Variants in TMPRSS15 observed in about 807,000 individuals in gnomAD.
TMPRSS15 encodes the protein transmembrane serine protease 15, also known as enteropeptidase.
Under a neutral mutation model 125.3 loss-of-function variants are expected in TMPRSS15, and 128 were observed. The ratio of observed to expected loss-of-function variants is 1.02; its 90% CI spans 0.89 to 1.18. The LOEUF (loss-of-function observed/expected upper bound fraction) is 1.18. Among genes scored for constraint, TMPRSS15 ranks in the 50% most tolerant of loss-of-function variants. The pLI, the probability that TMPRSS15 is intolerant of heterozygous loss-of-function variation, is 0.00. For synonymous variants in TMPRSS15, 446 were observed against 423.2 expected (o/e 1.05, Z -0.66); for missense variants, 1,283 against 1,212.7 (o/e 1.06, Z -0.86).
chr21:18,384,882 A>T (rs1268348102), intron 3 of TMPRSS15, among the ~76,000 whole-genome samples: 1 of 152,122 alleles, frequency 6.6e-6, no homozygotes, highest in Non-Finnish European at 1.5e-5. Context: ...CCATCTATCT[A>T]TCTTGATAGA....
At chr21:18,279,151 CAGTT>C (rs146513880) in intron 22 of TMPRSS15, 92 bp from the exon 23 acceptor site, 3 of 718,878 alleles carry the variant, frequency 4.2e-6, no homozygotes, top group East Asian at 5.7e-5. Context: ...AAATCAATAA[CAGTT>C]AATCTAAAAA....
Position 18,343,592 on chromosome 21 carries a change from C to G in TMPRSS15, c.1342G>C (p.Glu448Gln). 1 of 1,613,002 alleles carries G rather than the reference C, an allele frequency of 6.2e-7. No homozygotes were observed. Among genetic ancestry groups the G allele is most frequent in the South Asian group, 1.1e-5 (1 of 91,052 alleles). ...CCTTCCTTTTGGAAAACTGTCTTCTCCATATTTTGGTCATTGCTGATATTA... is the reference window on the plus strand; with the variant it reads ...CCTTCCTTTTGGAAAACTGTCTTCTGCATATTTTGGTCATTGCTGATATTA... ...SINISNDQNM[E>Q]KTVFQKEGNY... is the part of the protein sequence containing the mutation. The change falls in exon 12 of 25, where the codon GAG (glutamate) becomes CAG (glutamine). Residue 448 changes from glutamate (E) to glutamine (Q), a missense_variant. Glu to Gln is a conservative substitution (Grantham distance 29). Coordinates refer to ENST00000284885, the MANE Select transcript of TMPRSS15 (RefSeq NM_002772.3).
rs141330382 is a variant in TMPRSS15, at chr21:18,453,958, G to A, written c.10+31841C>T. On this transcript the variant is annotated intron_variant, in intron 1 of 7. Coordinates refer to the TMPRSS15 transcript ENST00000422787. ...GTATCTGTAAGAGTTAAACTCATGG[G>A]AGCAAAGCATATGATATTTGCCAGG... Among the ~76,000 whole-genome samples, 37 of 152,270 alleles carry A rather than the reference G, an allele frequency of 2.4e-4. No individual in the cohort carries two copies. In the East Asian group the frequency reaches 7.1e-3, roughly 29 times the overall value.
At chr21:18,293,048 A>G (rs973865730) in intron 21 of TMPRSS15, among the ~76,000 whole-genome samples, 2 of 152,068 alleles carry the variant, frequency 1.3e-5, no homozygotes, top group Non-Finnish European at 2.9e-5. Flanking sequence ...TATTTGGCAA[A>G]CCTGAGAGCT....
At chr21:18,425,529 A>T (rs553031582) in intron 1 of TMPRSS15, among the ~76,000 whole-genome samples, 3 of 152,292 alleles carry the variant, frequency 2.0e-5, no homozygotes, top group African/African-American at 7.2e-5. Context: ...CTGGAGAAAT[A>T]ATGGTTCTTT....
intron 18 of TMPRSS15, among the ~76,000 whole-genome samples, chr21:18,301,870 A>G (rs2074977043): frequency 6.6e-6 from 1 of 152,192 alleles, no homozygotes; most frequent in South Asian, 2.1e-4. Context: ...CCATGTGAGA[A>G]AAGAAGCATA....
intron 1 of TMPRSS15, among the ~76,000 whole-genome samples, chr21:18,457,337 A>G (rs927923435): frequency 2.0e-5 from 3 of 152,118 alleles, no homozygotes; most frequent in African/African-American, 7.2e-5. Context: ...CAGAAAAAAT[A>G]TTGGAGACAC....
intron 1 of TMPRSS15, among the ~76,000 whole-genome samples, chr21:18,459,152 G>A (rs1165595284): frequency 6.6e-6 from 1 of 151,994 alleles, no homozygotes; most frequent in African/African-American, 2.4e-5. Flanking sequence ...CCAGCATTAT[G>A]GTTGCAATAA....
chr21:18,328,488 T>C (rs1373558334), intron 15 of TMPRSS15, among the ~76,000 whole-genome samples: 1 of 152,186 alleles, frequency 6.6e-6, no homozygotes, highest in Admixed American at 6.5e-5. Flanking sequence ...TGGGTGTCCT[T>C]AGCTTCTAGT....
Position 18,275,241 on chromosome 21 carries a change from T to C in TMPRSS15, c.2860A>G (p.Met954Val). 6.2e-7 allele frequency: 1 copy of C among 1,614,120 alleles called. No individual in the cohort carries two copies. Among genetic ancestry groups the C allele is most frequent in the Non-Finnish European group, 8.5e-7 (1 of 1,179,980 alleles). ...QMPEYNITEN[M>V]ICAGYEEGGI... is the part of the protein sequence containing the mutation. ...CCTTCTTCATAGCCTGCACATATCA[T>C]ATTTTCAGTAATGTTATATTCTGGC... The change falls in exon 24 of 25, where the codon ATG becomes GTG. Residue 954 changes from methionine (M) to valine (V), a missense_variant. Coordinates refer to ENST00000284885, the MANE Select transcript of TMPRSS15 (RefSeq NM_002772.3).
intron 16 of TMPRSS15, among the ~76,000 whole-genome samples, chr21:18,324,736 C>T (rs548461882): frequency 6.6e-6 from 1 of 152,200 alleles, no homozygotes; most frequent in Non-Finnish European, 1.5e-5. Context: ...AAAGATTTAG[C>T]TTTTCTCCAA....
intron 10 of TMPRSS15, among the ~76,000 whole-genome samples, chr21:18,347,635 A>C (rs2075522828): frequency 6.6e-6 from 1 of 152,196 alleles, no homozygotes. Flanking sequence ...GATATGAATT[A>C]GCTGTCTGTT....
At chr21:18,314,448 T>TCCCAG (rs1290652713) in intron 17 of TMPRSS15, among the ~76,000 whole-genome samples, 156 of 152,216 alleles carry the variant, frequency 1.0e-3, no homozygotes, top group African/African-American at 3.2e-3. Context: ...CTGGCAAATT[T>TCCCAG]CGTATTTTTA....
In TMPRSS15 at chr21:18,485,566, A is replaced by G. The variant is rs575150741; in HGVS notation, c.10+233T>C. Reference sequence around the variant, plus strand: ...CATGTATAGTTACAAAATTTTTTTCAGATGACTTTTCAGCATCTGTCAAAA... The same window carrying G: ...CATGTATAGTTACAAAATTTTTTTCGGATGACTTTTCAGCATCTGTCAAAA... On this transcript the variant is annotated intron_variant, in intron 1 of 7. Coordinates refer to the TMPRSS15 transcript ENST00000422787. Among the ~76,000 whole-genome samples the G allele has an allele frequency of 6.6e-5, 10 of 152,128 alleles. 1 individual carries two copies. The highest frequency in any genetic ancestry group is 2.6e-4 in the Admixed American group (4 of 15,230).
chr21:18,279,475 G>A lies in TMPRSS15; in HGVS notation c.2669-416C>T, dbSNP rs571654668. ...CGAGTAGCTGGGACTACAGGCGCCC[G>A]CCACCACGCCTGGCTAATTTTTTTG... is the stretch of plus-strand genomic sequence containing the variant. On this transcript the variant is annotated intron_variant, in intron 22 of 24. Coordinates refer to ENST00000284885, the MANE Select transcript of TMPRSS15 (RefSeq NM_002772.3). Among the ~76,000 whole-genome samples, 9 of 150,362 alleles carry A rather than the reference G, an allele frequency of 6.0e-5. No homozygotes were observed. The South Asian group carries it at 1.3e-3, about 21-fold the overall frequency.
intron 1 of TMPRSS15, among the ~76,000 whole-genome samples, chr21:18,428,256 G>A (rs997035057): frequency 3.3e-5 from 5 of 152,062 alleles, no homozygotes; most frequent in Non-Finnish European, 7.4e-5. Context: ...GGTGACTTGG[G>A]TGCGTTAAAG....
intron 1 of TMPRSS15, among the ~76,000 whole-genome samples, chr21:18,403,074 T>C (rs919224586): frequency 1.3e-5 from 2 of 152,248 alleles, no homozygotes; most frequent in South Asian, 2.1e-4. Context: ...TAACTTTGCA[T>C]GTTTATCTAC....
At chr21:18,335,316 A>T (rs2075381490) in intron 13 of TMPRSS15, among the ~76,000 whole-genome samples, 1 of 152,198 alleles carries the variant, frequency 6.6e-6, no homozygotes, top group Non-Finnish European at 1.5e-5. Context: ...TTTTACCATT[A>T]TTCTTATTTT....
At chr21:18,270,488 G>A (rs2074542194) in intron 24 of TMPRSS15, among the ~76,000 whole-genome samples, 1 of 152,126 alleles carries the variant, frequency 6.6e-6, no homozygotes, top group African/African-American at 2.4e-5. Flanking sequence ...AAGGAGATCT[G>A]CTGTAAGTGC....
Sources: allele counts gnomAD v4.1 joint callset (sites outside exome capture counted in the v4.1 genomes callset), GRCh38; gene constraint gnomAD v4.1.1; transcripts MANE v1.5; gene names NCBI Gene and HGNC (gene_info 2026-07-23, HGNC 2026-07-21).